The following BNC2 variants were observed in gnomAD, a reference collection of about 807,000 sequenced individuals.
The protein encoded by BNC2 is basonuclin zinc finger protein 2, also known as zinc finger protein basonuclin-2.
Under a neutral mutation model 76.3 loss-of-function variants are expected in BNC2, and 20 were observed. That is an observed-to-expected ratio of 0.26 (90% CI 0.18 to 0.38). BNC2 has a LOEUF of 0.38. BNC2 is among the 10% of genes least tolerant of loss of function. BNC2 has a pLI of 1.00. For missense variants in BNC2, 1,382 were observed against 1,399.8 expected, an observed-to-expected ratio of 0.99 and a Z score of 0.20; for synonymous variants, 582 against 514.8, an observed-to-expected ratio of 1.13 and a Z score of -1.77.
At chr9:16,585,814 G>C (rs1158282656) in intron 3 of BNC2, among the ~76,000 whole-genome samples, 1 of 152,104 alleles carries the variant, frequency 6.6e-6, no homozygotes, top group East Asian at 1.9e-4. Flanking sequence ...TCATTCTTGT[G>C]AGCATGTTCA....
intron 1 of BNC2, among the ~76,000 whole-genome samples, chr9:16,740,439 T>A (rs1563922201): frequency 6.6e-6 from 1 of 152,240 alleles, no homozygotes; most frequent in African/African-American, 2.4e-5. Context: ...GTGTTCAACA[T>A]AACATTCATG....
At chr9:16,732,428 G>A (rs1416832475) in intron 2 of BNC2, among the ~76,000 whole-genome samples, 1 of 152,162 alleles carries the variant, frequency 6.6e-6, no homozygotes, top group Non-Finnish European at 1.5e-5. Context: ...ATTTTATGAT[G>A]AAAGCATACA....
At chr9:16,812,476 G>A (rs113542341) in intron 1 of BNC2, among the ~76,000 whole-genome samples, 1 of 152,190 alleles carries the variant, frequency 6.6e-6, no homozygotes, top group African/African-American at 2.4e-5. Flanking sequence ...GCAGGTGTGA[G>A]ATCATCCCCA....
intron 3 of BNC2, among the ~76,000 whole-genome samples, chr9:16,675,314 A>C (rs1822606275): frequency 6.6e-6 from 1 of 151,854 alleles, no homozygotes; most frequent in African/African-American, 2.4e-5. Flanking sequence ...TGCTGTCGTA[A>C]TGTGATATCG....
In BNC2 at chr9:16,436,059, G is replaced by C; in HGVS notation, c.2135C>G (p.Thr712Ser). The C allele has an allele frequency of 6.2e-7, 1 of 1,614,178 alleles. No individual in the cohort carries two copies. The highest frequency in any genetic ancestry group is 8.5e-7 in the Non-Finnish European group (1 of 1,180,040). ...RTEIRRADSMTSEDQEPERDY... is the reference protein window; with the variant it reads ...RTEIRRADSMSSEDQEPERDY... The stretch of plus-strand genomic sequence containing the variant: ...CCGCTCAGGTTCTTGGTCTTCAGAA[G>C]TCATGCTGTCGGCCCTCCTTATTTC... The change falls in exon 6 of 7, where the codon ACT (threonine) becomes AGT (serine). Residue 712 changes from threonine to serine, a missense_variant. By Grantham distance (58) the Thr-to-Ser change is moderately conservative. This residue lies in a region of BNC2 where 798 missense variants were observed against 775.5 expected (regional missense o/e 1.03). Coordinates refer to ENST00000380672, the MANE Select transcript of BNC2 (RefSeq NM_017637.6).
At chr9:16,798,130 C>G (rs1404870289) in intron 1 of BNC2, among the ~76,000 whole-genome samples, 3 of 152,166 alleles carry the variant, frequency 2.0e-5, no homozygotes, top group Non-Finnish European at 4.4e-5. Context: ...TTCTGTCTTT[C>G]TATTCTAAAT....
At chr9:16,758,197 C>T (rs1825444028) in intron 1 of BNC2, among the ~76,000 whole-genome samples, 2 of 151,760 alleles carry the variant, frequency 1.3e-5, no homozygotes, top group African/African-American at 4.8e-5. Context: ...TACTATTCTT[C>T]CATGGTCATC....
intron 3 of BNC2, among the ~76,000 whole-genome samples, chr9:16,662,372 C>G (rs141595486): frequency 1.3e-5 from 2 of 152,108 alleles, no homozygotes; most frequent in East Asian, 3.9e-4. Flanking sequence ...AGGAGTCATA[C>G]CTTAAAATAA....
intron 1 of BNC2, among the ~76,000 whole-genome samples, chr9:16,829,214 G>C (rs1818524801): frequency 6.6e-6 from 1 of 152,218 alleles, no homozygotes; most frequent in Non-Finnish European, 1.5e-5. Context: ...TGAATGCTGA[G>C]GAAGGGTAGA....
At chr9:16,854,369 G>A (rs12379687) in intron 1 of BNC2, among the ~76,000 whole-genome samples, 2 of 152,110 alleles carry the variant, frequency 1.3e-5, no homozygotes, top group East Asian at 3.9e-4. Flanking sequence ...ATTTTAGGAT[G>A]GAAAAGAGAC....
intron 5 of BNC2, among the ~76,000 whole-genome samples, chr9:16,512,339 A>G (rs1822776121): frequency 6.6e-6 from 1 of 152,244 alleles, no homozygotes; most frequent in Admixed American, 6.5e-5. Flanking sequence ...TGAGGACACT[A>G]AAATATCATG....
intron 3 of BNC2, among the ~76,000 whole-genome samples, chr9:16,693,576 T>C (rs980663025): frequency 6.6e-6 from 1 of 152,184 alleles, no homozygotes; most frequent in Non-Finnish European, 1.5e-5. Flanking sequence ...CCCTAGCCCA[T>C]GTAAACTAGA....
At chr9:16,679,179 T>C (rs949677259) in intron 3 of BNC2, among the ~76,000 whole-genome samples, 2 of 152,164 alleles carry the variant, frequency 1.3e-5, no homozygotes, top group African/African-American at 4.8e-5. Context: ...CCCACCTCAC[T>C]GCACCTTTAC....
rs945837447 is a variant in BNC2, at chr9:16,411,679, G to A, written c.*7310C>T. On this transcript the variant is annotated 3_prime_UTR_variant, in exon 7 of 7. Coordinates refer to ENST00000380672, the MANE Select transcript of BNC2 (RefSeq NM_017637.6). ...TGCTTTTCTTCCCAGTCCCCACACT[G>A]GTTCATGAAATTATTTAGCACAGAT... 1 of 152,606 alleles carries A rather than the reference G, an allele frequency of 6.6e-6. No individual in the cohort carries two copies. Among genetic ancestry groups the A allele is most frequent in the Non-Finnish European group, 1.5e-5 (1 of 68,032 alleles). The allele number at this position is 152,606 out of a possible 1,614,324, so 9.5% of individuals were successfully genotyped here.
Position 16,475,732 on chromosome 9 carries a change from G to A in BNC2, c.670-38208C>T, listed in dbSNP as rs117062510. 1.1e-3 allele frequency among the ~76,000 whole-genome samples: 166 copies of A among 152,264 alleles called. 4 individuals carry two copies. The East Asian group carries it at 0.029, about 27-fold the overall frequency. ...TGGGAATACTTTTGCCTGCAACAGAGTATGCTACAGAAGGAGCAGCTGCTC... is the reference window on the plus strand; with the variant it reads ...TGGGAATACTTTTGCCTGCAACAGAATATGCTACAGAAGGAGCAGCTGCTC... On this transcript the variant is annotated intron_variant, in intron 5 of 6. Coordinates refer to ENST00000380672, the MANE Select transcript of BNC2 (RefSeq NM_017637.6).
chr9:16,717,002 A>G (rs187365366), intron 3 of BNC2, among the ~76,000 whole-genome samples: 2 of 152,334 alleles, frequency 1.3e-5, no homozygotes, highest in East Asian at 3.9e-4. Flanking sequence ...GGTGAATAGA[A>G]AAAAAGAAAA....
At chr9:16,786,965 A>G (rs1826312004) in intron 1 of BNC2, among the ~76,000 whole-genome samples, 1 of 152,190 alleles carries the variant, frequency 6.6e-6, no homozygotes. Flanking sequence ...ACAATCAGTG[A>G]TTAAACAGGA....
chr9:16,518,945 A>T (rs991350812), intron 5 of BNC2, among the ~76,000 whole-genome samples: 1 of 152,228 alleles, frequency 6.6e-6, no homozygotes, highest in Non-Finnish European at 1.5e-5. Flanking sequence ...TGTCTTTATC[A>T]TATAGTTTGG....
chr9:16,623,411 T>C (rs1820915713), intron 3 of BNC2, among the ~76,000 whole-genome samples: 1 of 152,142 alleles, frequency 6.6e-6, no homozygotes, highest in Non-Finnish European at 1.5e-5. Context: ...AGGAAGAACT[T>C]TCTAAAGAAA....
Sources: gnomAD v4.1 joint callset for allele counts (sites outside exome capture counted in the v4.1 genomes callset) on GRCh38, gnomAD v4.1.1 for gene constraint, gnomAD v4.1.1 regional missense constraint, MANE v1.5 for transcripts, NCBI Gene and HGNC (gene_info 2026-07-23, HGNC 2026-07-21) for gene names.